The following ERMARD variants were observed in gnomAD, a reference collection of about 807,000 sequenced individuals.
The protein encoded by ERMARD is ER membrane associated RNA degradation.
A neutral mutation model predicts 83.9 loss-of-function variants in ERMARD; 71 were observed. The ratio of observed to expected loss-of-function variants is 0.85; its 90% CI spans 0.70 to 1.03. The LOEUF is 1.03. ERMARD is among the 50% of genes least tolerant of loss of function. The pLI is 0.00. For missense variants in ERMARD, 838 were observed against 810.9 expected (o/e 1.03, Z -0.41); for synonymous variants, 284 against 298.6 (o/e 0.95, Z 0.50).
At chr6:169,771,643 G>C (rs781120637) in intron 12 of ERMARD, 6 of 152,060 alleles carry the variant, frequency 3.9e-5, no homozygotes, top group Middle Eastern at 3.2e-3. Flanking sequence ...AAGTCCTCCC[G>C]TGTACGCGGC....
At chr6:169,751,507 G>C, upstream of ERMARD, 1 of 1,611,060 alleles carries the variant, frequency 6.2e-7, no homozygotes, top group Non-Finnish European at 8.5e-7. Flanking sequence ...ACCGCCGGCG[G>C]TCAAACGCCC....
At position 169,753,606 on chromosome 6, in the gene ERMARD, A is replaced by C. The variant is rs2274953; in HGVS notation, c.7-258A>C. Reference sequence around the variant, plus strand: ...TAAAGGAATAAACAATGGCTACCCCATAGACAGAGCAGTTTGCAAATATTA... The same window carrying C: ...TAAAGGAATAAACAATGGCTACCCCCTAGACAGAGCAGTTTGCAAATATTA... On this transcript the variant is annotated intron_variant, in intron 1 of 17. Transcript: ENST00000366773. Among the ~76,000 whole-genome samples the C allele has an allele frequency of 0.099, 15,045 of 152,008 alleles. 790 individuals are homozygous for C. The highest frequency in any genetic ancestry group is 0.11 in the African/African-American group (4,431 of 41,464).
rs1270446320 is a variant in ERMARD, at chr6:169,760,733, A to C, written c.834A>C (p.Ala278=). ...TCATGTTACCATATTGGGAAGTTGCACTGGTCAAGTTCAAGTCACACAGGT... is the reference window on the plus strand; with the variant it reads ...TCATGTTACCATATTGGGAAGTTGCCCTGGTCAAGTTCAAGTCACACAGGT... The part of the protein sequence containing the change: ...LKIMLPYWEV[A]LVKFKSHRFA... Residue 278 remains alanine (A), a synonymous_variant, in exon 8 of 18, where the codon GCA becomes GCC. Coordinates refer to ENST00000366773, the MANE Select transcript of ERMARD (RefSeq NM_018341.3). The C allele has an allele frequency of 6.2e-7, 1 of 1,613,726 alleles. No individual in the cohort carries two copies. The highest frequency in any genetic ancestry group is 2.2e-5 in the East Asian group (1 of 44,890).
chr6:169,756,522 C>G (rs1328396039), intron 4 of ERMARD, 83 bp downstream of exon 4: 5 of 1,118,410 alleles, frequency 4.5e-6, no homozygotes, highest in Non-Finnish European at 6.5e-6. Flanking sequence ...CCTCAGTTTT[C>G]TTGATTATTT....
Position 169,755,308 on chromosome 6 carries a change from C to G in ERMARD, c.201C>G (p.Ser67Arg). ...ESEQGLDYWG[S>R]VRLLGPVCEA... ...AGCAGGGTCTGGATTACTGGGGAAGCGTGAGGCTGCTGGGCCCTGTGTGTG... is the reference window on the plus strand; with the variant it reads ...AGCAGGGTCTGGATTACTGGGGAAGGGTGAGGCTGCTGGGCCCTGTGTGTG... Residue 67 changes from serine to arginine, a missense_variant, in exon 3 of 18, where the codon AGC becomes AGG. Physicochemically the swap from Ser to Arg is moderately radical, Grantham distance 110 (BLOSUM62 -1). Transcript: ENST00000366773. 1 of 1,613,930 alleles carries G rather than the reference C, an allele frequency of 6.2e-7. No homozygotes were observed. The highest frequency in any genetic ancestry group is 1.1e-5 in the South Asian group (1 of 91,064).
At chr6:169,778,684 A>AAAACC (rs1358392970) in intron 16 of ERMARD, among the ~76,000 whole-genome samples, 1 of 152,266 alleles carries the variant, frequency 6.6e-6, no homozygotes, top group East Asian at 1.9e-4. Flanking sequence ...ACCACTCTCC[A>AAAACC]AAACCACAAT....
At chr6:169,751,707 G>GT (rs1409648840) in intron 1 of ERMARD, 44 bp downstream of exon 1, 2 of 1,530,358 alleles carry the variant, frequency 1.3e-6, no homozygotes, top group African/African-American at 2.8e-5. Flanking sequence ...GCTAGGCAGG[G>GT]AGTCGGCGCC....
chr6:169,768,204 T>A (rs1054652359), intron 11 of ERMARD, 33 bp downstream of exon 11: 3 of 1,580,550 alleles, frequency 1.9e-6, no homozygotes, highest in Non-Finnish European at 2.6e-6. Flanking sequence ...GCTAATATTC[T>A]TGTATTTATG....
chr6:169,773,292 T>G, intron 12 of ERMARD, 27 bp from the exon 13 acceptor site: 1 of 1,607,432 alleles, frequency 6.2e-7, no homozygotes, highest in Non-Finnish European at 8.5e-7. Flanking sequence ...CCAAACATGA[T>G]AGTAACCACT....
At position 169,776,039 on chromosome 6, in the gene ERMARD, G is replaced by A. The variant is rs746843003; in HGVS notation, c.1494G>A (p.Lys498=). 1.2e-6 allele frequency: 2 copies of A among 1,614,042 alleles called. No individual in the cohort carries two copies. The highest frequency in any genetic ancestry group is 4.5e-5 in the East Asian group (2 of 44,886). The change falls in exon 15 of 18, where the codon AAG becomes AAA. Residue 498 remains lysine (K), a synonymous_variant. Coordinates refer to ENST00000366773, the MANE Select transcript of ERMARD (RefSeq NM_018341.3). ...TGCCTGAGAATCGTTGTGTGTTAAA[G>A]GACTTGGATCGTCTTCCTACTGAGA... ...HHMPENRCVL[K]DLDRLPTETW...
chr6:169,772,407 G>C (rs1456737638), intron 12 of ERMARD, among the ~76,000 whole-genome samples: 1 of 152,164 alleles, frequency 6.6e-6, no homozygotes, highest in African/African-American at 2.4e-5. Context: ...TGACGGGAAG[G>C]CCAGCACATT....
chr6:169,761,132 G>A (rs1216989704), intron 8 of ERMARD, among the ~76,000 whole-genome samples: 2 of 152,210 alleles, frequency 1.3e-5, no homozygotes, highest in African/African-American at 2.4e-5. Flanking sequence ...GGTCTGGTGA[G>A]CTGATCTTTA....
In ERMARD at chr6:169,776,025, CGTT is replaced by C. The variant is rs1199748586; in HGVS notation, c.1483_1485del (p.Cys495del). 7 of 1,614,056 alleles carry C rather than the reference CGTT, an allele frequency of 4.3e-6. No homozygotes were observed. Among genetic ancestry groups the C allele is most frequent in the East Asian group, 2.2e-5 (1 of 44,904 alleles). ...GCTGTATCACCATATGCCTGAGAAT[CGTT>C]GTGTGTTAAAGGACTTGGATCGTCT... is the stretch of plus-strand genomic sequence containing the variant. On this transcript the variant is annotated inframe_deletion, in exon 15 of 18. Coordinates refer to ENST00000366773, the MANE Select transcript of ERMARD (RefSeq NM_018341.3).
At chr6:169,768,254 C>T (rs1792461359) in intron 11 of ERMARD, 83 bp downstream of exon 11, 1 of 1,324,992 alleles carries the variant, frequency 7.5e-7, no homozygotes, top group African/African-American at 1.5e-5. Flanking sequence ...TTAATTTTGG[C>T]TTGTGGTTTG....
intron 12 of ERMARD, chr6:169,771,077 C>CTTTTTTTTTTT (rs60995171): frequency 7.1e-6 from 1 of 141,262 alleles, no homozygotes. Flanking sequence ...TCTTTTCTTT[C>CTTTTTTTTTTT]TTTTTTTTTT....
chr6:169,776,789 C>A, intron 16 of ERMARD, 116 bp downstream of exon 16: 1 of 1,196,296 alleles, frequency 8.4e-7, no homozygotes, highest in Non-Finnish European at 1.2e-6. Context: ...ACCCCATCGA[C>A]AGGTGTTGAT....
In ERMARD at chr6:169,756,761, G is replaced by C. The variant is rs746262224; in HGVS notation, c.460G>C (p.Asp154His). Residue 154 changes from aspartate to histidine, a missense_variant, in exon 5 of 18, where the codon GAT becomes CAT. By Grantham distance (81) the Asp-to-His change is moderately conservative. Coordinates refer to ENST00000366773, the MANE Select transcript of ERMARD (RefSeq NM_018341.3). ...IGKECPFLLR[D>H]LLSSEELAQV... ...GAAGGAATGCCCCTTTCTTTTAAGA[G>C]ATCTGCTTTCATCTGAGGAGCTTGC... The C allele has an allele frequency of 6.2e-6, 10 of 1,613,924 alleles. No individual in the cohort carries two copies. Among genetic ancestry groups the C allele is most frequent in the Admixed American group, 1.7e-5 (1 of 60,000 alleles).
At chr6:169,780,718 G>T (rs1378452816) in intron 17 of ERMARD, among the ~76,000 whole-genome samples, 1 of 152,216 alleles carries the variant, frequency 6.6e-6, no homozygotes, top group Non-Finnish European at 1.5e-5. Context: ...CTTGAACGAT[G>T]CAGGTTTGCA....
At chr6:169,768,479 C>T (rs1035769404) in intron 11 of ERMARD, among the ~76,000 whole-genome samples, 1 of 152,182 alleles carries the variant, frequency 6.6e-6, no homozygotes, top group African/African-American at 2.4e-5. Flanking sequence ...ACAGTTAGGC[C>T]GGGTGCGGTG....
Sources: gnomAD v4.1 joint callset for allele counts (sites outside exome capture counted in the v4.1 genomes callset) on GRCh38, gnomAD v4.1.1 for gene constraint, MANE v1.5 for transcripts, NCBI Gene and HGNC (gene_info 2026-07-23, HGNC 2026-07-21) for gene names.